Variants in SLC2A11 observed in about 807,000 individuals in gnomAD.
SLC2A11 encodes solute carrier family 2, facilitated glucose transporter member 11.
Under a neutral mutation model 52.1 loss-of-function variants are expected in SLC2A11, and 43 were observed. That is an observed-to-expected ratio of 0.82 (90% CI 0.65 to 1.06). The LOEUF is 1.06. SLC2A11 is among the 50% of genes least tolerant of loss of function. SLC2A11 has a pLI of 0.00. For synonymous variants in SLC2A11, 261 were observed against 277.6 expected, an observed-to-expected ratio of 0.94 and a Z score of 0.59; for missense variants, 582 against 654.2, an observed-to-expected ratio of 0.89 and a Z score of 1.20.
At chr22:23,865,993 C>G (rs2146112808) in intron 2 of SLC2A11, 1 of 152,102 alleles carries the variant, frequency 6.6e-6, no homozygotes, top group Non-Finnish European at 1.5e-5. Flanking sequence ...CAGTGAGACC[C>G]AGTATCTACA....
intron 2 of SLC2A11, chr22:23,867,434 G>A (rs2146115348): frequency 4.4e-6 from 1 of 228,384 alleles, no homozygotes; most frequent in South Asian, 5.5e-5. Context: ...CTGACCTGAG[G>A]TGATACGCCC....
Position 23,882,133 on chromosome 22 carries a change from G to A in SLC2A11, c.695-326G>A, listed in dbSNP as rs12172122. The A allele has an allele frequency of 5.9e-4, 118 of 199,908 alleles. 3 individuals are homozygous for A. Among genetic ancestry groups the A allele is most frequent in the East Asian group, 1.8e-3 (25 of 14,224 alleles). The allele number at this position is 199,908 out of a possible 1,614,324, so 12.4% of individuals were successfully genotyped here. ...TGAGAAAGACAGGCAGAGAGAGAGA[G>A]AAACACACACACACAGACACAGAGA... On this transcript the variant is annotated intron_variant, in intron 6 of 11. Transcript: ENST00000316185.
intron 6 of SLC2A11, chr22:23,881,922 A>G (rs1175130754): frequency 6.6e-6 from 1 of 152,472 alleles, no homozygotes; most frequent in Non-Finnish European, 1.4e-5. Flanking sequence ...AGACAGAGAG[A>G]TTGAGAGAGA....
At chr22:23,872,910 T>C (rs2032500613) in intron 3 of SLC2A11, 1 of 152,250 alleles carries the variant, frequency 6.6e-6, no homozygotes, top group South Asian at 2.1e-4. Flanking sequence ...TGCTTCCTCT[T>C]CTCCAGGTCC....
intron 8 of SLC2A11, chr22:23,883,471 C>T: frequency 2.4e-6 from 1 of 418,694 alleles, no homozygotes; most frequent in South Asian, 4.1e-5. Flanking sequence ...GACCCTGTCT[C>T]AGCTCAGTGA....
upstream of SLC2A11, chr22:23,857,062 G>A: frequency 1.5e-6 from 1 of 686,616 alleles, no homozygotes; most frequent in Non-Finnish European, 2.1e-6. Flanking sequence ...CTGAACCAAA[G>A]TGTGTGTGTG....
chr22:23,879,949 G>A (rs1220772392), intron 6 of SLC2A11, among the ~76,000 whole-genome samples: 2 of 152,148 alleles, frequency 1.3e-5, no homozygotes, highest in East Asian at 1.9e-4. Context: ...CAGGCTGGGC[G>A]CCAGCTCACG....
In SLC2A11 at chr22:23,883,944, G is replaced by A. The variant is rs145159477; in HGVS notation, c.1096-5G>A. 3.3e-4 allele frequency: 525 copies of A among 1,611,992 alleles called. 6 individuals are homozygous for A. In the South Asian group the frequency reaches 5.0e-3, roughly 15 times the overall value. ...TCCACCTCACCCCCGCCCCGTCCAC[G>A]GCAGAGCTCCTTCCCCTGGACACTC... On this transcript the variant is annotated splice_polypyrimidine_tract_variant and splice_region_variant and intron_variant, in intron 9 of 11. Coordinates refer to ENST00000316185, the MANE Select transcript of SLC2A11 (RefSeq NM_001024939.4).
At chr22:23,859,446 G>A (rs942634750) in intron 1 of SLC2A11, among the ~76,000 whole-genome samples, 3 of 151,958 alleles carry the variant, frequency 2.0e-5, no homozygotes, top group Admixed American at 1.3e-4. Context: ...TTTCCCAGCT[G>A]TATCTTGCCC....
intron 4 of SLC2A11, among the ~76,000 whole-genome samples, chr22:23,875,518 G>C (rs2032589785): frequency 1.3e-5 from 2 of 152,178 alleles, no homozygotes; most frequent in Admixed American, 6.5e-5. Flanking sequence ...CCATGTTTGA[G>C]TAACACTCTA....
rs1315566373 is a variant in SLC2A11, at chr22:23,875,246, G to T, written c.415+5G>T. ...TGCTCGTGGGAGTCAATGCAGGTAT[G>T]GGGTGGGGGCTTCTCATCCTGCCTC... On this transcript the variant is annotated splice_donor_5th_base_variant and intron_variant, in intron 4 of 11. Transcript: ENST00000316185. 1 of 1,438,262 alleles carries T rather than the reference G, an allele frequency of 7.0e-7. No homozygotes were observed. The highest frequency in any genetic ancestry group is 2.6e-5 in the East Asian group (1 of 38,922). 89.1% of individuals were successfully genotyped at this position (1,438,262 alleles called of 1,614,324 possible).
intron 6 of SLC2A11, chr22:23,881,295 C>T (rs2032786148): frequency 7.1e-6 from 1 of 141,212 alleles, no homozygotes; most frequent in Non-Finnish European, 1.6e-5. Context: ...GTGAGGGTGG[C>T]TTAGCTGGGC....
At chr22:23,875,348 A>T in intron 4 of SLC2A11, 107 bp downstream of exon 4, 1 of 1,222,806 alleles carries the variant, frequency 8.2e-7, no homozygotes, top group Non-Finnish European at 1.0e-6. Context: ...TTATTCATTC[A>T]TTTATTTTTT....
chr22:23,862,289 C>A, intron 2 of SLC2A11, 87 bp downstream of exon 2: 1 of 1,205,740 alleles, frequency 8.3e-7, no homozygotes, highest in Non-Finnish European at 1.2e-6. Flanking sequence ...GCCAGGCATC[C>A]ACTAGGTGGC....
In SLC2A11 at chr22:23,885,876, T is replaced by G. The variant is rs2032981659; in HGVS notation, c.*1027T>G. On this transcript the variant is annotated 3_prime_UTR_variant, in exon 12 of 12. Transcript: ENST00000316185. The stretch of plus-strand genomic sequence containing the variant: ...AACTGCATCCATTTTAAGTATATAT[T>G]TGGCGAGTTTTGAGTTCTAAGTATA... 1 of 149,868 alleles carries G rather than the reference T, an allele frequency of 6.7e-6. No homozygotes were observed. The highest frequency in any genetic ancestry group is 1.5e-5 in the Non-Finnish European group (1 of 68,006). 9.3% of individuals were successfully genotyped at this position (149,868 alleles called of 1,614,324 possible). A position where few individuals can be genotyped will look rare whatever the true frequency, so the allele number is the denominator to read the frequency against.
At chr22:23,873,117 G>C (rs1020373887) in intron 3 of SLC2A11, 1 of 152,370 alleles carries the variant, frequency 6.6e-6, no homozygotes, top group African/African-American at 2.4e-5. Context: ...CGCCTCCCGG[G>C]TTCAAGAGAT....
intron 6 of SLC2A11, among the ~76,000 whole-genome samples, chr22:23,878,128 GCA>G: frequency 6.6e-6 from 1 of 152,304 alleles, no homozygotes; most frequent in East Asian, 1.9e-4. Flanking sequence ...AAACACACGC[GCA>G]CACACACGGT....
At chr22:23,857,277 A>G, upstream of SLC2A11, 1 of 788,766 alleles carries the variant, frequency 1.3e-6, no homozygotes. Context: ...ACTGTAGCAA[A>G]GGAGGGGGAC....
In SLC2A11 at chr22:23,882,830, C is replaced by A. The variant is rs574457434; in HGVS notation, c.954C>A (p.Ile318=). Residue 318 remains isoleucine (I), a synonymous_variant, in exon 8 of 12, where the codon ATC becomes ATA. Transcript: ENST00000316185. ...VPEAKIQYAI[I]GTGSCELLTA... is the part of the protein sequence containing the mutation. ...AAGCGAAGATCCAGTACGCGATCAT[C>A]GGGACTGGGAGCTGCGAGCTGCTCA... 15 of 1,613,684 alleles carry A rather than the reference C, an allele frequency of 9.3e-6. No homozygotes were observed. In the Admixed American group the frequency reaches 2.2e-4, roughly 23 times the overall value.
Sources: gnomAD v4.1 joint callset for allele counts (sites outside exome capture counted in the v4.1 genomes callset) on GRCh38, gnomAD v4.1.1 for gene constraint, MANE v1.5 for transcripts, NCBI Gene and HGNC (gene_info 2026-07-23, HGNC 2026-07-21) for gene names.